The following BNC2 variants were observed in gnomAD, a reference collection of about 807,000 sequenced individuals.
BNC2 encodes zinc finger protein basonuclin-2.
In BNC2, 20 loss-of-function variants were observed where a neutral mutation model predicts 76.3. The observed-to-expected ratio is 0.26, with a 90% CI of 0.18 to 0.38. The LOEUF is 0.38. Ranked by LOEUF, BNC2 falls within the 10% of genes least tolerant of loss-of-function variation. The pLI, the probability that BNC2 is intolerant of heterozygous loss-of-function variation, is 1.00. For synonymous variants in BNC2, 582 were observed against 514.8 expected, an observed-to-expected ratio of 1.13 and a Z score of -1.77; for missense variants, 1,382 against 1,399.8, an observed-to-expected ratio of 0.99 and a Z score of 0.20.
At chr9:16,474,306 A>C (rs1226665326) in intron 5 of BNC2, among the ~76,000 whole-genome samples, 1 of 152,256 alleles carries the variant, frequency 6.6e-6, no homozygotes, top group East Asian at 1.9e-4. Flanking sequence ...TATTTCATGA[A>C]ACAGCAGAAA....
intron 3 of BNC2, among the ~76,000 whole-genome samples, chr9:16,596,533 T>C (rs931604232): frequency 7.0e-4 from 107 of 152,316 alleles, no homozygotes; most frequent in African/African-American, 2.4e-3. Flanking sequence ...TGTGGATCTA[T>C]GGAGACATTT....
intron 3 of BNC2, among the ~76,000 whole-genome samples, chr9:16,651,320 G>T (rs934744609): frequency 1.3e-5 from 2 of 152,138 alleles, no homozygotes; most frequent in African/African-American, 4.8e-5. Flanking sequence ...AACTTAAAAA[G>T]CCTATCATCT....
chr9:16,537,576 C>T (rs975438735), intron 5 of BNC2, among the ~76,000 whole-genome samples: 1 of 152,104 alleles, frequency 6.6e-6, no homozygotes, highest in Non-Finnish European at 1.5e-5. Context: ...TTAAATTCTA[C>T]CATCTTGACT....
In BNC2 at chr9:16,499,601, C is replaced by T. The variant is rs572115542; in HGVS notation, c.669+52929G>A. On this transcript the variant is annotated intron_variant, in intron 5 of 6. Coordinates refer to ENST00000380672, the MANE Select transcript of BNC2 (RefSeq NM_017637.6). Reference sequence around the variant, plus strand: ...CTGGAGTGCAATGGCACAATCTCAGCTCACTGTAACTTCTGCCTCCTGGGT... The same window carrying T: ...CTGGAGTGCAATGGCACAATCTCAGTTCACTGTAACTTCTGCCTCCTGGGT... Among the ~76,000 whole-genome samples, 65 of 148,952 alleles carry T rather than the reference C, an allele frequency of 4.4e-4. No individual in the cohort carries two copies. The South Asian group carries it at 4.5e-3, about 10-fold the overall frequency.
chr9:16,848,366 C>A (rs1168068204), intron 1 of BNC2, among the ~76,000 whole-genome samples: 1 of 152,150 alleles, frequency 6.6e-6, no homozygotes. Context: ...TAATTAAGTG[C>A]ATTCTTGAGT....
intron 4 of BNC2, among the ~76,000 whole-genome samples, chr9:16,581,320 G>A (rs1009102810): frequency 6.6e-6 from 1 of 152,186 alleles, no homozygotes; most frequent in Admixed American, 6.5e-5. Context: ...AGCACTCTGG[G>A]AGGCCGAGGC....
intron 1 of BNC2, among the ~76,000 whole-genome samples, chr9:16,765,195 AAG>A (rs1825658346): frequency 6.6e-6 from 1 of 152,210 alleles, no homozygotes; most frequent in Non-Finnish European, 1.5e-5. Context: ...AACATACACA[AAG>A]AGACAGTCTT....
At chr9:16,557,371 C>T (rs1818867897) in intron 4 of BNC2, among the ~76,000 whole-genome samples, 4 of 152,012 alleles carry the variant, frequency 2.6e-5, no homozygotes, top group East Asian at 3.9e-4. Flanking sequence ...TGGTGGCACA[C>T]GCCTGTAGTC....
chr9:16,673,847 T>TC (rs145266472), intron 3 of BNC2, among the ~76,000 whole-genome samples: 3,010 of 152,262 alleles, frequency 0.02, 101 homozygotes, highest in African/African-American at 0.068. Context: ...ATGTTTAGTC[T>TC]CCCCAGCGTT....
chr9:16,535,438 A>G (rs1190117122), intron 5 of BNC2, among the ~76,000 whole-genome samples: 1 of 152,196 alleles, frequency 6.6e-6, no homozygotes, highest in Non-Finnish European at 1.5e-5. Flanking sequence ...AGATTCCCAT[A>G]TACCCAATCT....
intron 1 of BNC2, among the ~76,000 whole-genome samples, chr9:16,803,274 G>A (rs1411503528): frequency 1.3e-5 from 2 of 152,182 alleles, no homozygotes; most frequent in African/African-American, 4.8e-5. Flanking sequence ...AGACAATTCT[G>A]AGGACAGTGC....
intron 4 of BNC2, among the ~76,000 whole-genome samples, chr9:16,557,793 C>G (rs1009383856): frequency 3.3e-5 from 5 of 151,804 alleles, no homozygotes; most frequent in Admixed American, 6.6e-5. Flanking sequence ...AGCTACATTT[C>G]CTTTTGGGAA....
intron 1 of BNC2, among the ~76,000 whole-genome samples, chr9:16,830,429 G>A (rs1818554015): frequency 6.6e-6 from 1 of 152,128 alleles, no homozygotes; most frequent in South Asian, 2.1e-4. Flanking sequence ...ATCATCCCTA[G>A]ATTACTAATA....
At chr9:16,425,020 C>T (rs1024326860) in intron 6 of BNC2, among the ~76,000 whole-genome samples, 7 of 152,248 alleles carry the variant, frequency 4.6e-5, no homozygotes, top group East Asian at 1.9e-4. Flanking sequence ...CATCCCCTAG[C>T]TCAGGAAGAA....
chr9:16,470,563 C>G (rs1256755441), intron 5 of BNC2, among the ~76,000 whole-genome samples: 3 of 152,180 alleles, frequency 2.0e-5, no homozygotes, highest in Admixed American at 2.0e-4. Context: ...AGCCCAGGGT[C>G]CCCATGCTGT....
rs1286860341 is a variant in BNC2 at position 16,416,059 on chromosome 9, C to T, written c.*2930G>A. 6.6e-6 allele frequency: 1 copy of T among 152,170 alleles called. No individual in the cohort carries two copies. The highest frequency in any genetic ancestry group is 1.5e-5 in the Non-Finnish European group (1 of 68,032). 9.4% of individuals were successfully genotyped at this position (152,170 alleles called of 1,614,324 possible). A position where few individuals can be genotyped will look rare whatever the true frequency, so the allele number is the denominator to read the frequency against. Reference sequence around the variant, plus strand: ...AGCTTGGTTTGCAGCAAGTAACAAACATTTGTTCTAAGCCTGGTGCATTTG... The same window carrying T: ...AGCTTGGTTTGCAGCAAGTAACAAATATTTGTTCTAAGCCTGGTGCATTTG... On this transcript the variant is annotated 3_prime_UTR_variant, in exon 7 of 7. Transcript: ENST00000380672.
chr9:16,675,449 A>G (rs1458185089), intron 3 of BNC2, among the ~76,000 whole-genome samples: 1 of 151,998 alleles, frequency 6.6e-6, no homozygotes, highest in East Asian at 1.9e-4. Flanking sequence ...TAGTAGAACC[A>G]GCCTTTTGCC....
intron 3 of BNC2, chr9:16,726,990 T>C (rs1266255036): frequency 2.6e-5 from 4 of 152,276 alleles, no homozygotes; most frequent in African/African-American, 9.6e-5. Context: ...TAATTATCAG[T>C]AACCGATGGC....
At chr9:16,469,865 G>A (rs1340229753) in intron 5 of BNC2, among the ~76,000 whole-genome samples, 4 of 152,270 alleles carry the variant, frequency 2.6e-5, no homozygotes, top group Middle Eastern at 3.4e-3. Flanking sequence ...AAAGAGACTG[G>A]CAGCATTTTG....
Sources: gnomAD v4.1 joint callset for allele counts (sites outside exome capture counted in the v4.1 genomes callset) on GRCh38, gnomAD v4.1.1 for gene constraint, MANE v1.5 for transcripts, NCBI Gene and HGNC (gene_info 2026-07-23, HGNC 2026-07-21) for gene names.